NRG1: variants seen among roughly 807,000 people sequenced by gnomAD.
NRG1 encodes neuregulin 1.
Under a neutral mutation model 63.8 loss-of-function variants are expected in NRG1, and 18 were observed. That is an observed-to-expected ratio of 0.28 (90% CI 0.19 to 0.42). The LOEUF (loss-of-function observed/expected upper bound fraction) is 0.42, where lower values mean the gene tolerates loss of function less well. NRG1 is among the 10% of genes least tolerant of loss of function. NRG1 has a pLI of 1.00. For synonymous variants in NRG1, 302 were observed against 301.3 expected (o/e 1.00, Z -0.02); for missense variants, 762 against 814.7 (o/e 0.94, Z 0.79).
chr8:31,660,350 GAAGGCACCTCTGCT>G (rs2130932852), intron 1 of NRG1, among the ~76,000 whole-genome samples: 1 of 152,300 alleles, frequency 6.6e-6, no homozygotes, highest in African/African-American at 2.4e-5. Context: ...AGACAAAGGA[GAAGGCACCTCTGCT>G]AAGGCACATC....
intron 1 of NRG1, chr8:32,442,325 T>A (rs1245345907): frequency 6.6e-6 from 1 of 152,220 alleles, no homozygotes; most frequent in East Asian, 1.9e-4. Flanking sequence ...TTACCTTCAT[T>A]ATGAGCTAAA....
intron 1 of NRG1, among the ~76,000 whole-genome samples, chr8:32,437,761 C>G (rs888193182): frequency 2.6e-5 from 4 of 152,064 alleles, no homozygotes; most frequent in Non-Finnish European, 5.9e-5. Context: ...TTATTTTATA[C>G]TATGTTTTCA....
At chr8:31,800,837 CTTTTTT>C (rs5890598) in intron 1 of NRG1, among the ~76,000 whole-genome samples, 16 of 105,046 alleles carry the variant, frequency 1.5e-4, no homozygotes, top group African/African-American at 5.6e-4. Context: ...AGTCTCCTTT[CTTTTTT>C]TTTTTTTTTT....
At chr8:32,772,441 A>C (rs1447857780), downstream of NRG1, among the ~76,000 whole-genome samples, 1 of 152,124 alleles carries the variant, frequency 6.6e-6, no homozygotes, top group Non-Finnish European at 1.5e-5. Context: ...TTAAATGAAA[A>C]ACTTTTTATT....
rs550398994 is a variant in NRG1 at position 32,732,047 on chromosome 8, C to G, written c.632+3969C>G. ...TCTCTCTGCTTAGAACAAGGTGTTTCGAATGGATTAAACATATTAACAGTG... is the reference window on the plus strand; with the variant it reads ...TCTCTCTGCTTAGAACAAGGTGTTTGGAATGGATTAAACATATTAACAGTG... On this transcript the variant is annotated intron_variant, in intron 6 of 11. Coordinates refer to ENST00000356819, the Ensembl canonical transcript of NRG1. 2.6e-5 allele frequency among the ~76,000 whole-genome samples: 4 copies of G among 152,224 alleles called. No individual in the cohort carries two copies. The South Asian group carries it at 8.3e-4, about 32-fold the overall frequency.
In NRG1 at chr8:32,706,182, T is replaced by C. The variant is rs536112742; in HGVS notation, c.503-21767T>C. 3.1e-3 allele frequency among the ~76,000 whole-genome samples: 470 copies of C among 152,310 alleles called. 5 individuals are homozygous for C. Among genetic ancestry groups the C allele is most frequent in the African/African-American group, 0.011 (442 of 41,574 alleles). On this transcript the variant is annotated intron_variant, in intron 5 of 11. Transcript: ENST00000356819. ...TCTAATGGATCTGAGCTGATAGCAG[T>C]GTAGTAGAGACCAAAGGTCTGTGAC...
intron 1 of NRG1, chr8:32,098,826 C>G (rs1052501872): frequency 1.3e-5 from 2 of 152,168 alleles, no homozygotes; most frequent in Admixed American, 1.3e-4. Flanking sequence ...CACTGGGGCA[C>G]AAAACCCTGG....
intron 1 of NRG1, among the ~76,000 whole-genome samples, chr8:31,658,372 C>T (rs1051507611): frequency 6.6e-6 from 1 of 152,198 alleles, no homozygotes; most frequent in African/African-American, 2.4e-5. Context: ...TTAGTTTTCT[C>T]TTTGTAAAAT....
chr8:31,919,392 T>C (rs1239934812), intron 1 of NRG1, among the ~76,000 whole-genome samples: 4 of 151,932 alleles, frequency 2.6e-5, no homozygotes, highest in Admixed American at 1.3e-4. Context: ...GTCATTCTTT[T>C]TTTTTTTTCA....
At chr8:32,597,067 A>G (rs1183707981) in intron 2 of NRG1, among the ~76,000 whole-genome samples, 4 of 152,174 alleles carry the variant, frequency 2.6e-5, no homozygotes, top group Non-Finnish European at 5.9e-5. Context: ...CTACATTTTG[A>G]AATCAGAGAA....
chr8:32,638,476 A>G (rs1011285239), intron 5 of NRG1, among the ~76,000 whole-genome samples: 2 of 152,222 alleles, frequency 1.3e-5, no homozygotes, highest in African/African-American at 2.4e-5. Flanking sequence ...GAAAGAAAAG[A>G]CACAAGTCTA....
chr8:31,820,220 C>A (rs968336941), intron 1 of NRG1, among the ~76,000 whole-genome samples: 21 of 152,160 alleles, frequency 1.4e-4, no homozygotes, highest in African/African-American at 5.1e-4. Flanking sequence ...GGCCAGATAT[C>A]TATCCCCATG....
Position 32,298,708 on chromosome 8 carries a change from C to CA in NRG1, c.38-297119dup, listed in dbSNP as rs1274580463. ...CATCCTGGGCAACAAGAGCGAAACT[C>CA]AGTCTCAAAAAAAAAAAAAAAAGAA... is the stretch of plus-strand genomic sequence containing the variant. On this transcript the variant is annotated intron_variant, in intron 1 of 10. Coordinates refer to the NRG1 transcript ENST00000519301. 1.4e-4 allele frequency among the ~76,000 whole-genome samples: 16 copies of CA among 113,446 alleles called. No individual in the cohort carries two copies. In the Admixed American group the frequency reaches 1.5e-3, roughly 10 times the overall value. 74.4% of individuals were successfully genotyped at this position (113,446 alleles called of 152,430 possible).
At chr8:32,486,089 T>C (rs1211021650) in intron 1 of NRG1, among the ~76,000 whole-genome samples, 1 of 151,900 alleles carries the variant, frequency 6.6e-6, no homozygotes, top group Admixed American at 6.6e-5. Context: ...CCCCTCCCCA[T>C]GCCTGGCTAA....
chr8:32,051,833 C>T (rs141220401), intron 1 of NRG1, among the ~76,000 whole-genome samples: 1 of 152,246 alleles, frequency 6.6e-6, no homozygotes, highest in East Asian at 1.9e-4. Context: ...TGACCTACTA[C>T]ATAGTTTTGA....
intron 1 of NRG1, among the ~76,000 whole-genome samples, chr8:32,108,286 G>T (rs1052214707): frequency 6.6e-6 from 1 of 152,084 alleles, no homozygotes; most frequent in Admixed American, 6.5e-5. Context: ...TATGTATAAA[G>T]AACAGAAATT....
intron 1 of NRG1, among the ~76,000 whole-genome samples, chr8:31,770,796 T>C (rs967064578): frequency 1.5e-3 from 215 of 144,558 alleles, no homozygotes; most frequent in African/African-American, 4.5e-3. Context: ...TATATATATA[T>C]ACATATATAA....
At chr8:32,764,708 G>A (rs563080529) in exon 12 of NRG1, 123 of 209,168 alleles carry the variant, frequency 5.9e-4, no homozygotes, top group South Asian at 1.5e-3. Context: ...CATAGATTCA[G>A]TTTTTGCTGG....
chr8:31,966,166 A>C (rs1353808106), intron 1 of NRG1, among the ~76,000 whole-genome samples: 1 of 152,220 alleles, frequency 6.6e-6, no homozygotes, highest in East Asian at 1.9e-4. Context: ...AGATGACCAT[A>C]ACTAGGAAGA....
Sources: allele counts gnomAD v4.1 joint callset (sites outside exome capture counted in the v4.1 genomes callset), GRCh38; gene constraint gnomAD v4.1.1; transcripts MANE v1.5; gene names NCBI Gene and HGNC (gene_info 2026-07-23, HGNC 2026-07-21).